Variants in DDX39A observed in about 807,000 individuals in gnomAD.
DDX39A encodes the protein ATP-dependent RNA helicase DDX39A.
Under a neutral mutation model 46.3 loss-of-function variants are expected in DDX39A, and 13 were observed. That is an observed-to-expected ratio of 0.28 (90% CI 0.18 to 0.45). The LOEUF (loss-of-function observed/expected upper bound fraction) is 0.45, where lower values mean the gene tolerates loss of function less well. DDX39A is among the 20% of genes least tolerant of loss of function. The probability of loss-of-function intolerance (pLI) is 1.00; values close to 1 mark genes in which losing one functional copy is unlikely to be tolerated. For synonymous variants in DDX39A, 234 were observed against 224.6 expected (o/e 1.04, Z -0.38); for missense variants, 352 against 581.8 (o/e 0.61, Z 4.06).
In DDX39A at chr19:14,411,428, C is replaced by G; in HGVS notation, c.429+78G>C. ...CTGCCCCTGCCAAGCTTGGTAAATG[C>G]TGGCTGGGCCAGAGCCGAGGCTAAC... On this transcript the variant is annotated intron_variant, in intron 4 of 10. Coordinates refer to ENST00000242776, the MANE Select transcript of DDX39A (RefSeq NM_005804.4). The surrounding 1 kb of genome is among the most constrained non-coding windows in gnomAD (Gnocchi z 4.1). 7.1e-7 allele frequency: 1 copy of G among 1,415,060 alleles called. No homozygotes were observed. The highest frequency in any genetic ancestry group is 1.2e-5 in the South Asian group (1 of 86,474). 87.7% of individuals were successfully genotyped at this position (1,415,060 alleles called of 1,614,324 possible). A position where few individuals can be genotyped will look rare whatever the true frequency, so the allele number is the denominator to read the frequency against.
rs60701169 is a variant in DDX39A at position 14,418,120 on chromosome 19, C to CAAAAAAA, written c.-5+1143_-5+1149dup. Among the ~76,000 whole-genome samples, 45 of 52,346 alleles carry CAAAAAAA rather than the reference C, an allele frequency of 8.6e-4. 1 individual carries two copies. Among genetic ancestry groups the CAAAAAAA allele is most frequent in the African/African-American group, 2.7e-3 (43 of 15,710 alleles). The allele number at this position is 52,346 out of a possible 152,430, so 34.3% of individuals were successfully genotyped here. ...TGGGCGACAGAGCAAGGCTCTGTCT[C>CAAAAAAA]AAAAAAAAAAAAAAAAAAAAAAAAA... is the stretch of plus-strand genomic sequence containing the variant. On this transcript the variant is annotated intron_variant, in intron 1 of 10. Transcript: ENST00000242776.
At chr19:14,418,359 G>T (rs1450716013) in intron 1 of DDX39A, among the ~76,000 whole-genome samples, 1 of 152,132 alleles carries the variant, frequency 6.6e-6, no homozygotes, top group Non-Finnish European at 1.5e-5. Context: ...ACCCAGACAC[G>T]CCACGTGTAC....
At chr19:14,414,003 C>G (rs1258437742) in intron 1 of DDX39A, 1 of 152,168 alleles carries the variant, frequency 6.6e-6, no homozygotes, top group South Asian at 2.1e-4. Flanking sequence ...TAATCTAATG[C>G]ATACCAAGTG....
Position 14,410,152 on chromosome 19 carries a change from G to A in DDX39A, c.732+64C>T. The A allele has an allele frequency of 2.1e-6, 3 of 1,452,156 alleles. No homozygotes were observed. The highest frequency in any genetic ancestry group is 2.9e-6 in the Non-Finnish European group (3 of 1,035,856). The allele number at this position is 1,452,156 out of a possible 1,614,324, so 90.0% of individuals were successfully genotyped here. A position where few individuals can be genotyped will look rare whatever the true frequency, so the allele number is the denominator to read the frequency against. On this transcript the variant is annotated intron_variant, in intron 6 of 10. Coordinates refer to ENST00000242776, the MANE Select transcript of DDX39A (RefSeq NM_005804.4). This position sits in a 1 kb window ranked among gnomAD's most constrained non-coding sequence, Gnocchi z 4.3. Reference sequence around the variant, plus strand: ...TCCGTGCCATGTGGGCCGTGCGGGTGTCCTGGGGCCCCAGGCTCCAGGCCC... The same window carrying A: ...TCCGTGCCATGTGGGCCGTGCGGGTATCCTGGGGCCCCAGGCTCCAGGCCC...
At position 14,408,957 on chromosome 19, in the gene DDX39A, A is replaced by G. The variant is rs1415203241; in HGVS notation, c.1268-5T>C. On this transcript the variant is annotated splice_region_variant and splice_polypyrimidine_tract_variant and intron_variant, in intron 10 of 10. Transcript: ENST00000242776. The stretch of plus-strand genomic sequence containing the variant: ...GTGGTTACCGGCTCTGCTCGACTGT[A>G]AGACATGAGATGCAGTGAACTGAAG... 1 of 1,604,476 alleles carries G rather than the reference A, an allele frequency of 6.2e-7. No homozygotes were observed.
In DDX39A at chr19:14,417,372, G is replaced by T. The variant is rs537751272; in HGVS notation, c.-5+1898C>A. ...ATGGTGCCTCACTTCTGTAATCCCA[G>T]CACTTTGAGAAGCCAGCGTGGGAGG... On this transcript the variant is annotated intron_variant, in intron 1 of 10. Coordinates refer to ENST00000242776, the MANE Select transcript of DDX39A (RefSeq NM_005804.4). Among the ~76,000 whole-genome samples, 38 of 152,112 alleles carry T rather than the reference G, an allele frequency of 2.5e-4. 1 individual carries two copies. Among genetic ancestry groups the T allele is most frequent in the African/African-American group, 9.2e-4 (38 of 41,500 alleles).
chr19:14,415,712 C>T (rs1017248839), intron 1 of DDX39A, among the ~76,000 whole-genome samples: 2 of 152,030 alleles, frequency 1.3e-5, no homozygotes, highest in African/African-American at 4.8e-5. Flanking sequence ...AAGCCAATAT[C>T]CTCCTCCCTG....
Position 14,411,221 on chromosome 19 carries a change from C to A in DDX39A, c.430-49G>T. 6.5e-7 allele frequency: 1 copy of A among 1,527,306 alleles called. No homozygotes were observed. The highest frequency in any genetic ancestry group is 8.8e-7 in the Non-Finnish European group (1 of 1,137,300). The allele number at this position is 1,527,306 out of a possible 1,614,324, so 94.6% of individuals were successfully genotyped here. ...CTCCATGCTGATACACGGCCCAAGGCCCCAACCTGCACGGCCCAGCACCTG... is the reference window on the plus strand; with the variant it reads ...CTCCATGCTGATACACGGCCCAAGGACCCAACCTGCACGGCCCAGCACCTG... On this transcript the variant is annotated intron_variant, in intron 4 of 10. Transcript: ENST00000242776. This position sits in a 1 kb window ranked among gnomAD's most constrained non-coding sequence, Gnocchi z 4.1.
intron 1 of DDX39A, among the ~76,000 whole-genome samples, chr19:14,416,803 A>G (rs575526999): frequency 4.6e-5 from 7 of 152,154 alleles, no homozygotes; most frequent in Non-Finnish European, 8.8e-5. Flanking sequence ...CCACCACCTC[A>G]GCTTCCTGTG....
chr19:14,419,208 C>A, intron 1 of DDX39A, 62 bp downstream of exon 1: 1 of 331,234 alleles, frequency 3.0e-6, no homozygotes, highest in Non-Finnish European at 6.0e-6. Flanking sequence ...CTCCCCTCGT[C>A]CTCTCGCTCT....
chr19:14,415,540 G>A (rs1021061770), intron 1 of DDX39A, among the ~76,000 whole-genome samples: 4 of 151,696 alleles, frequency 2.6e-5, no homozygotes, highest in Admixed American at 6.6e-5. Context: ...CAGGCGATCC[G>A]CCCACCTCAG....
Position 14,410,233 on chromosome 19 carries a change from T to C in DDX39A, c.715A>G (p.Arg239Gly), listed in dbSNP as rs752098269. 3 of 1,614,066 alleles carry C rather than the reference T, an allele frequency of 1.9e-6. No individual in the cohort carries two copies. Among genetic ancestry groups the C allele is most frequent in the Admixed American group, 3.3e-5 (2 of 60,030 alleles). Reference sequence around the variant, plus strand: ...CTACTCACATCCTGCATGAACTTCCTGCACACAGGCCGGATGTCCTTGCTC... The same window carrying C: ...CTACTCACATCCTGCATGAACTTCCCGCACACAGGCCGGATGTCCTTGCTC... ...TLSKDIRPVC[R>G]KFMQDPMEVF... Residue 239 changes from arginine to glycine, a missense_variant, in exon 6 of 11, where the codon AGG becomes GGG. By Grantham distance (125) the Arg-to-Gly change is moderately radical (BLOSUM62 -2). Around this residue, in one of 3 missense-constraint regions of DDX39A, gnomAD observed 301 missense variants for 469.9 expected, o/e 0.64. Coordinates refer to ENST00000242776, the MANE Select transcript of DDX39A (RefSeq NM_005804.4). The surrounding 1 kb of genome is among the most constrained non-coding windows in gnomAD (Gnocchi z 4.3).
At chr19:14,418,921 G>A (rs776034710) in intron 1 of DDX39A, 76 of 455,970 alleles carry the variant, frequency 1.7e-4, no homozygotes, top group Non-Finnish European at 6.6e-5. Context: ...CCCAGACCCC[G>A]GCGTCACCCC....
Position 14,409,227 on chromosome 19 carries a change from C to T in DDX39A, c.1120-43G>A. 7 of 1,613,258 alleles carry T rather than the reference C, an allele frequency of 4.3e-6. No homozygotes were observed. The highest frequency in any genetic ancestry group is 5.9e-6 in the Non-Finnish European group (7 of 1,179,312). ...CAGGGTCAGGCCACAGATACTACCT[C>T]AGGACTTGAGGAAAAGCAGGGCTGG... On this transcript the variant is annotated intron_variant, in intron 9 of 10. Transcript: ENST00000242776. This position sits in a 1 kb window ranked among gnomAD's most constrained non-coding sequence, Gnocchi z 8.3.
At position 14,413,132 on chromosome 19, in the gene DDX39A, G is replaced by C; in HGVS notation, c.89C>G (p.Pro30Arg). Residue 30 changes from proline to arginine, a missense_variant, in exon 2 of 11, where the codon CCT becomes CGT. Physicochemically the swap from Pro to Arg is moderately radical, Grantham distance 103 (BLOSUM62 -2). Transcript: ENST00000242776. Reference sequence around the variant, plus strand: ...GTAGGATCCCTTGATGTCTTTCTTAGGGGGAGCTGGTGTGCTCTCTTGAGG... The same window carrying C: ...GTAGGATCCCTTGATGTCTTTCTTACGGGGAGCTGGTGTGCTCTCTTGAGG... ...QAPQESTPAPPKKDIKGSYVS... is the reference protein window; with the variant it reads ...QAPQESTPAPRKKDIKGSYVS... The C allele has an allele frequency of 6.2e-7, 1 of 1,614,128 alleles. No homozygotes were observed. Among genetic ancestry groups the C allele is most frequent in the Non-Finnish European group, 8.5e-7 (1 of 1,179,994 alleles).
intron 1 of DDX39A, 83 bp from the exon 2 acceptor site, chr19:14,413,307 C>A (rs1040803002): frequency 7.7e-7 from 1 of 1,292,118 alleles, no homozygotes; most frequent in African/African-American, 1.5e-5. Flanking sequence ...TCTGCCGCCT[C>A]CTTCCATGAG....
chr19:14,418,677 G>T (rs1976919121), intron 1 of DDX39A, among the ~76,000 whole-genome samples: 1 of 151,922 alleles, frequency 6.6e-6, no homozygotes, highest in Non-Finnish European at 1.5e-5. Flanking sequence ...GGCCAGGCTG[G>T]TCTCGAACTC....
Position 14,411,303 on chromosome 19 carries a change from C to T in DDX39A, c.430-131G>A. 1 of 1,163,376 alleles carries T rather than the reference C, an allele frequency of 8.6e-7. No individual in the cohort carries two copies. 72.1% of individuals were successfully genotyped at this position (1,163,376 alleles called of 1,614,324 possible). A position where few individuals can be genotyped will look rare whatever the true frequency, so the allele number is the denominator to read the frequency against. On this transcript the variant is annotated intron_variant, in intron 4 of 10. Coordinates refer to ENST00000242776, the MANE Select transcript of DDX39A (RefSeq NM_005804.4). This position sits in a 1 kb window ranked among gnomAD's most constrained non-coding sequence, Gnocchi z 4.1. ...CCTGAGAGCCTCCCGGGGCTCCACT[C>T]AAAGGCAGCCCCAGGCTGGGACCTG...
In DDX39A at chr19:14,412,480, C is replaced by A; in HGVS notation, c.336+71G>T. The A allele has an allele frequency of 6.5e-7, 1 of 1,550,160 alleles. No individual in the cohort carries two copies. ...AAGCACTGGGCTAACAGGTGTGAGC[C>A]ACCCCATCCAGCCTACTCTACTTCC... On this transcript the variant is annotated intron_variant, in intron 3 of 10. Transcript: ENST00000242776. The surrounding 1 kb of genome is among the most constrained non-coding windows in gnomAD (Gnocchi z 4.4).
Sources: gnomAD v4.1 joint callset for allele counts (sites outside exome capture counted in the v4.1 genomes callset) on GRCh38, gnomAD v4.1.1 for gene constraint, gnomAD v4.1.1 regional missense constraint, Gnocchi (gnomAD v3.1) non-coding constraint, MANE v1.5 for transcripts, NCBI Gene and HGNC (gene_info 2026-07-23, HGNC 2026-07-21) for gene names.